TLN2: variants seen among roughly 807,000 people sequenced by gnomAD.
TLN2 encodes the protein talin 2.
Under a neutral mutation model 294.7 loss-of-function variants are expected in TLN2, and 118 were observed. The observed-to-expected ratio is 0.40, with a 90% CI of 0.34 to 0.47. The LOEUF (loss-of-function observed/expected upper bound fraction) is 0.47, where lower values mean the gene tolerates loss of function less well. TLN2 is among the 20% of genes least tolerant of loss of function. TLN2 has a pLI of 0.84. For missense variants in TLN2, 3,083 were observed against 3,282.2 expected, an observed-to-expected ratio of 0.94 and a Z score of 1.48; for synonymous variants, 1,431 against 1,304.5, an observed-to-expected ratio of 1.10 and a Z score of -2.09.
chr15:62,468,611 G>A (rs1177928612), intron 1 of TLN2, among the ~76,000 whole-genome samples: 1 of 152,066 alleles, frequency 6.6e-6, no homozygotes, highest in Admixed American at 6.5e-5. Context: ...CGGGTGTGGT[G>A]GCGGGCGCCT....
At chr15:62,544,539 AACAG>A (rs1448829602) in intron 1 of TLN2, among the ~76,000 whole-genome samples, 3 of 152,174 alleles carry the variant, frequency 2.0e-5, no homozygotes, top group Non-Finnish European at 4.4e-5. Context: ...TTCCTGAAAA[AACAG>A]ACAGATTCCA....
intron 1 of TLN2, among the ~76,000 whole-genome samples, chr15:62,515,602 C>T (rs749879457): frequency 1.3e-5 from 2 of 152,212 alleles, no homozygotes; most frequent in African/African-American, 4.8e-5. Flanking sequence ...TATCCTTAGG[C>T]TTATCTGTGT....
intron 52 of TLN2, among the ~76,000 whole-genome samples, chr15:62,815,767 CCAT>C (rs2067062081): frequency 6.6e-6 from 1 of 152,116 alleles, no homozygotes; most frequent in Middle Eastern, 3.2e-3. Flanking sequence ...ATCCATGTAC[CCAT>C]CATCTATGAT....
intron 1 of TLN2, among the ~76,000 whole-genome samples, chr15:62,503,957 G>A (rs966156227): frequency 6.6e-6 from 1 of 151,834 alleles, no homozygotes; most frequent in Admixed American, 6.6e-5. Context: ...AAAGAGTACC[G>A]GGATTTGGGC....
chr15:62,393,002 T>C (rs2032228601), intron 1 of TLN2, among the ~76,000 whole-genome samples: 1 of 152,152 alleles, frequency 6.6e-6, no homozygotes, highest in Admixed American at 6.5e-5. Context: ...AATGCCTTTT[T>C]TTTTTCATTG....
intron 50 of TLN2, among the ~76,000 whole-genome samples, chr15:62,802,834 T>C (rs1222447936): frequency 6.6e-6 from 1 of 152,252 alleles, no homozygotes; most frequent in East Asian, 1.9e-4. Flanking sequence ...TGAATGATGT[T>C]GAGCACCCTT....
chr15:62,689,430 G>T (rs1325355135), intron 12 of TLN2, among the ~76,000 whole-genome samples: 1 of 152,180 alleles, frequency 6.6e-6, no homozygotes, highest in Non-Finnish European at 1.5e-5. Context: ...CTCATGAGGT[G>T]AAGAACCGTC....
chr15:62,838,987 T>TAATTAAATCAAGAATAGTATTTACTTC lies in TLN2; in HGVS notation c.7500+7_7500+33dup, dbSNP rs778793634. Reference sequence around the variant, plus strand: ...TTGTGGGGGGCATTGCTCAGGTTTGTAATTAAATCAAGAATAGTATTTACT... The same window carrying TAATTAAATCAAGAATAGTATTTACTTC: ...TTGTGGGGGGCATTGCTCAGGTTTGTAATTAAATCAAGAATAGTATTTACTTCAATTAAATCAAGAATAGTATTTACT... On this transcript the variant is annotated splice_region_variant and intron_variant, in intron 58 of 58. Transcript: ENST00000636159. The TAATTAAATCAAGAATAGTATTTACTTC allele has an allele frequency of 2.1e-5, 34 of 1,613,852 alleles. No individual in the cohort carries two copies. Among genetic ancestry groups the TAATTAAATCAAGAATAGTATTTACTTC allele is most frequent in the Admixed American group, 3.3e-5 (2 of 59,958 alleles).
At chr15:62,501,142 G>A (rs2039282591) in intron 1 of TLN2, among the ~76,000 whole-genome samples, 2 of 152,218 alleles carry the variant, frequency 1.3e-5, no homozygotes, top group Admixed American at 1.3e-4. Context: ...TTCTCAGAAG[G>A]CTGAAGGAGC....
intron 51 of TLN2, among the ~76,000 whole-genome samples, chr15:62,808,932 A>G (rs2066482951): frequency 6.6e-6 from 1 of 152,236 alleles, no homozygotes; most frequent in African/African-American, 2.4e-5. Flanking sequence ...CAGCACTCAC[A>G]TTCCTAGGAA....
intron 52 of TLN2, among the ~76,000 whole-genome samples, chr15:62,817,964 C>T (rs1175425997): frequency 1.3e-5 from 2 of 151,916 alleles, no homozygotes; most frequent in Non-Finnish European, 2.9e-5. Context: ...CACCCGCCAC[C>T]ACACCCAGCT....
chr15:62,692,817 T>G (rs1424914978), intron 12 of TLN2, 23 bp from the exon 13 acceptor site: 2 of 1,598,856 alleles, frequency 1.3e-6, no homozygotes, highest in Non-Finnish European at 1.7e-6. Flanking sequence ...TTGGCTATAT[T>G]TCCTCCATTG....
chr15:62,437,487 C>G (rs1418562146), intron 1 of TLN2, among the ~76,000 whole-genome samples: 1 of 152,038 alleles, frequency 6.6e-6, no homozygotes, highest in Non-Finnish European at 1.5e-5. Context: ...CCAAGCAGTC[C>G]TTCTCCCTCT....
intron 1 of TLN2, among the ~76,000 whole-genome samples, chr15:62,470,484 A>G (rs2037408787): frequency 6.6e-6 from 1 of 152,220 alleles, no homozygotes; most frequent in Admixed American, 6.5e-5. Flanking sequence ...AGGCTGCCAA[A>G]CTTGAATTCC....
chr15:62,422,516 A>G (rs2034472405), intron 1 of TLN2, among the ~76,000 whole-genome samples: 1 of 152,252 alleles, frequency 6.6e-6, no homozygotes, highest in Non-Finnish European at 1.5e-5. Flanking sequence ...TACCCAAATT[A>G]TCTGAGCATT....
chr15:62,753,610 C>T (rs184842931), intron 35 of TLN2, among the ~76,000 whole-genome samples, 163 bp from the exon 36 acceptor site: 141 of 152,318 alleles, frequency 9.3e-4, no homozygotes, highest in African/African-American at 3.3e-3. Context: ...TAAACCTGTT[C>T]ATTATTACAC....
chr15:62,581,741 G>T (rs1195707753), intron 1 of TLN2, among the ~76,000 whole-genome samples: 1 of 152,072 alleles, frequency 6.6e-6, no homozygotes, highest in Non-Finnish European at 1.5e-5. Context: ...CCCCAGGTTT[G>T]TAGCAAAAGA....
At chr15:62,733,508 A>G (rs1304987967) in intron 28 of TLN2, among the ~76,000 whole-genome samples, 1 of 152,206 alleles carries the variant, frequency 6.6e-6, no homozygotes, top group Admixed American at 6.5e-5. Context: ...TCTTCAAAAT[A>G]TATTTCTGTA....
chr15:62,758,643 T>C (rs886494168), intron 37 of TLN2: 1 of 152,242 alleles, frequency 6.6e-6, no homozygotes, highest in Non-Finnish European at 1.5e-5. Context: ...CTCTCTTTAA[T>C]CGAATTTGAC....
Sources: gnomAD v4.1 joint callset for allele counts (sites outside exome capture counted in the v4.1 genomes callset) on GRCh38, gnomAD v4.1.1 for gene constraint, MANE v1.5 for transcripts, NCBI Gene and HGNC (gene_info 2026-07-23, HGNC 2026-07-21) for gene names.